GKAP1: variants seen among roughly 807,000 people sequenced by gnomAD.
GKAP1 encodes the protein G kinase-anchoring protein 1.
GKAP1 carries 31 observed loss-of-function variants against 56.7 expected under a neutral mutation model. The ratio of observed to expected loss-of-function variants is 0.55; its 90% CI spans 0.41 to 0.74. The LOEUF (loss-of-function observed/expected upper bound fraction) is 0.74. Among genes scored for constraint, GKAP1 ranks in the 30% least tolerant of loss-of-function variants. GKAP1 has a pLI of 0.00. For synonymous variants in GKAP1, 151 were observed against 138.6 expected (o/e 1.09, Z -0.63); for missense variants, 364 against 402.3 (o/e 0.90, Z 0.82).
intron 9 of GKAP1, among the ~76,000 whole-genome samples, 197 bp downstream of exon 9, chr9:83,753,061 A>AACG (rs1426560666): frequency 2.7e-5 from 3 of 111,184 alleles, no homozygotes; most frequent in Non-Finnish European, 4.1e-5. Context: ...CTCCATCTCA[A>AACG]ACAACAACAA....
At chr9:83,814,161 T>C (rs1223585167) in intron 2 of GKAP1, among the ~76,000 whole-genome samples, 1 of 152,218 alleles carries the variant, frequency 6.6e-6, no homozygotes, top group Non-Finnish European at 1.5e-5. Context: ...GTCTTTATTT[T>C]ACATATACTT....
chr9:83,770,752 G>C (rs749443071), intron 7 of GKAP1, among the ~76,000 whole-genome samples: 4 of 152,128 alleles, frequency 2.6e-5, no homozygotes, highest in East Asian at 1.9e-4. Flanking sequence ...TAGAGACAGG[G>C]TTTCACCATG....
chr9:83,785,560 T>G (rs549858316), intron 5 of GKAP1, among the ~76,000 whole-genome samples: 1 of 152,198 alleles, frequency 6.6e-6, no homozygotes, highest in Non-Finnish European at 1.5e-5. Flanking sequence ...TGTGCACATC[T>G]GTCTAAGTTG....
chr9:83,794,716 A>G (rs905340781), intron 4 of GKAP1, among the ~76,000 whole-genome samples: 48 of 152,338 alleles, frequency 3.2e-4, no homozygotes, highest in African/African-American at 1.1e-3. Flanking sequence ...CATGACTTTT[A>G]AAAAAAGGTA....
chr9:83,808,824 T>G (rs1258044377), intron 2 of GKAP1, among the ~76,000 whole-genome samples: 2 of 152,240 alleles, frequency 1.3e-5, no homozygotes. Context: ...GTAACTTACT[T>G]TGGCCAGCGA....
At position 83,796,888 on chromosome 9, in the gene GKAP1, G is replaced by A. The variant is rs575106676; in HGVS notation, c.360+2297C>T. On this transcript the variant is annotated intron_variant, in intron 4 of 12. Transcript: ENST00000376371. ...ACTATCCCCTTGACTTTTACAAAAC[G>A]TTCTAGCCTCTTGATTTTTATTAAA... Among the ~76,000 whole-genome samples the A allele has an allele frequency of 2.0e-4, 31 of 152,154 alleles. No individual in the cohort carries two copies. In the East Asian group the frequency reaches 3.9e-3, roughly 19 times the overall value.
At chr9:83,760,050 T>C (rs1943543113) in intron 8 of GKAP1, among the ~76,000 whole-genome samples, 1 of 152,180 alleles carries the variant, frequency 6.6e-6, no homozygotes, top group Non-Finnish European at 1.5e-5. Flanking sequence ...CATCCCAGTT[T>C]CTTCTTCTTC....
At chr9:83,778,981 ATT>A (rs1014158392) in intron 7 of GKAP1, among the ~76,000 whole-genome samples, 1 of 152,034 alleles carries the variant, frequency 6.6e-6, no homozygotes. Flanking sequence ...GTCAGTTTGC[ATT>A]TTTTGTCTTC....
chr9:83,779,537 A>G (rs1307163469), intron 7 of GKAP1, among the ~76,000 whole-genome samples: 1 of 117,774 alleles, frequency 8.5e-6, no homozygotes, highest in Non-Finnish European at 1.8e-5. Context: ...GTATATGTGT[A>G]TATATATACA....
chr9:83,783,770 T>C (rs900548603), intron 6 of GKAP1, among the ~76,000 whole-genome samples: 6 of 152,334 alleles, frequency 3.9e-5, no homozygotes, highest in Middle Eastern at 6.8e-3. Flanking sequence ...AGGAAAAAAA[T>C]ATGTTTCAAG....
In GKAP1 at chr9:83,742,515, T is replaced by C. The variant is rs948588267; in HGVS notation, c.975+15A>G. On this transcript the variant is annotated intron_variant, in intron 11 of 12. Transcript: ENST00000376371. ...GCTTAAGAAAACCAGTCATGTATGC[T>C]CCACAGTTCCTTACCTGAATAGTGA... 6.3e-7 allele frequency: 1 copy of C among 1,579,860 alleles called. No individual in the cohort carries two copies.
At chr9:83,784,934 G>T in intron 5 of GKAP1, 96 bp from the exon 6 acceptor site, 1 of 1,063,566 alleles carries the variant, frequency 9.4e-7, no homozygotes, top group Non-Finnish European at 1.3e-6. Flanking sequence ...ATTTTTTAAA[G>T]ATAAAAGGCA....
intron 9 of GKAP1, among the ~76,000 whole-genome samples, chr9:83,752,641 T>G (rs891861923): frequency 4.7e-4 from 71 of 152,280 alleles, no homozygotes; most frequent in African/African-American, 1.7e-3. Context: ...TGGTGATGGT[T>G]ACACAATACT....
intron 8 of GKAP1, among the ~76,000 whole-genome samples, chr9:83,764,430 T>G (rs906607007): frequency 6.6e-6 from 1 of 152,218 alleles, no homozygotes; most frequent in African/African-American, 2.4e-5. Flanking sequence ...TGCACAACTG[T>G]GAGTCAAACC....
chr9:83,769,366 T>C (rs1412803841), intron 7 of GKAP1, among the ~76,000 whole-genome samples: 1 of 152,172 alleles, frequency 6.6e-6, no homozygotes, highest in Non-Finnish European at 1.5e-5. Flanking sequence ...AAAGAAACTG[T>C]ACCCATTAGC....
At position 83,801,276 on chromosome 9, in the gene GKAP1, A is replaced by G. The variant is rs139404317; in HGVS notation, c.217-1948T>C. Among the ~76,000 whole-genome samples, 1,361 of 152,274 alleles carry G rather than the reference A, an allele frequency of 8.9e-3. 7 individuals are homozygous for G. Among genetic ancestry groups the G allele is most frequent in the Middle Eastern group, 0.048 (14 of 292 alleles). ...CACCCAGAAGCTAGAAGAGGCATGGAAAGATTCTACTCAGAGTCTCAGAGA... is the reference window on the plus strand; with the variant it reads ...CACCCAGAAGCTAGAAGAGGCATGGGAAGATTCTACTCAGAGTCTCAGAGA... On this transcript the variant is annotated intron_variant, in intron 3 of 12. Transcript: ENST00000376371.
rs1587747129 is a variant in GKAP1, at chr9:83,813,016, A to T, written c.-44+3980T>A. On this transcript the variant is annotated intron_variant, in intron 2 of 12. Coordinates refer to ENST00000376371, the MANE Select transcript of GKAP1 (RefSeq NM_025211.4). ...TTGATAAGAAGAAACAAATAGGGAG[A>T]CTAGGAAAACATTAGGCTTTTAAAA... Among the ~76,000 whole-genome samples, 5 of 152,266 alleles carry T rather than the reference A, an allele frequency of 3.3e-5. No homozygotes were observed. The East Asian group carries it at 7.7e-4, about 23-fold the overall frequency.
At chr9:83,754,966 T>C (rs1402309443) in intron 8 of GKAP1, among the ~76,000 whole-genome samples, 2 of 152,190 alleles carry the variant, frequency 1.3e-5, no homozygotes, top group East Asian at 1.9e-4. Flanking sequence ...GTGAAAGCAG[T>C]ATAAATAGAG....
chr9:83,751,292 G>GA (rs1255320084), intron 9 of GKAP1, among the ~76,000 whole-genome samples: 1 of 152,072 alleles, frequency 6.6e-6, no homozygotes, highest in Non-Finnish European at 1.5e-5. Context: ...TCTCTACCTG[G>GA]AAAAATCATC....
Sources: allele counts gnomAD v4.1 joint callset (sites outside exome capture counted in the v4.1 genomes callset), GRCh38; gene constraint gnomAD v4.1.1; transcripts MANE v1.5; gene names NCBI Gene and HGNC (gene_info 2026-07-23, HGNC 2026-07-21).